GABRR2: variants seen among roughly 807,000 people sequenced by gnomAD.
The protein encoded by GABRR2 is gamma-aminobutyric acid receptor subunit rho-2.
In GABRR2, 36 loss-of-function variants were observed where a neutral mutation model predicts 47.0. That is an observed-to-expected ratio of 0.77 (90% CI 0.59 to 1.01). The LOEUF (loss-of-function observed/expected upper bound fraction) is 1.01. Among genes scored for constraint, GABRR2 ranks in the 50% least tolerant of loss-of-function variants. The pLI is 0.00. For synonymous variants in GABRR2, 204 were observed against 227.5 expected (o/e 0.90, Z 0.93); for missense variants, 587 against 594.6 (o/e 0.99, Z 0.13).
chr6:89,289,640 A>G (rs1315994618), intron 2 of GABRR2, among the ~76,000 whole-genome samples: 1 of 152,130 alleles, frequency 6.6e-6, no homozygotes, highest in Admixed American at 6.5e-5. Flanking sequence ...ACAGATCTGA[A>G]TTACAGTCTG....
chr6:89,299,847 G>T lies in GABRR2; in HGVS notation c.132C>A (p.Asn44Lys). The T allele has an allele frequency of 1.2e-6, 2 of 1,612,694 alleles. No individual in the cohort carries two copies. The highest frequency in any genetic ancestry group is 1.7e-5 in the Admixed American group (1 of 60,030). The change falls in exon 2 of 9, where the codon AAC becomes AAA. Residue 44 changes from asparagine (N) to lysine (K), a missense_variant. By Grantham distance (94) the Asn-to-Lys change is moderately conservative. Transcript: ENST00000402938. ...MPKPSHLYKK[N>K]LDVTKIRKGK... Reference sequence around the variant, plus strand: ...CCTTCCGGATCTTGGTCACATCAAGGTTCTTCTTATATAAGTGACTGTGAA... The same window carrying T: ...CCTTCCGGATCTTGGTCACATCAAGTTTCTTCTTATATAAGTGACTGTGAA...
intron 2 of GABRR2, among the ~76,000 whole-genome samples, chr6:89,284,337 A>T (rs1252427210): frequency 6.6e-6 from 1 of 152,192 alleles, no homozygotes; most frequent in African/African-American, 2.4e-5. Context: ...AGGCAGAATA[A>T]TGCCCCAGAG....
intron 8 of GABRR2, among the ~76,000 whole-genome samples, chr6:89,264,189 T>C (rs761121354): frequency 5.9e-5 from 9 of 152,226 alleles, no homozygotes; most frequent in Non-Finnish European, 1.3e-4. Flanking sequence ...AAGTTGAGTC[T>C]GAGACCCAAG....
chr6:89,275,221 C>A (rs1342339238), intron 2 of GABRR2, among the ~76,000 whole-genome samples: 1 of 152,122 alleles, frequency 6.6e-6, no homozygotes, highest in Non-Finnish European at 1.5e-5. Context: ...CTAAGTAATT[C>A]ACACTAACAT....
chr6:89,271,911 C>T lies in GABRR2; in HGVS notation c.221-189G>A, dbSNP rs553709575. On this transcript the variant is annotated intron_variant, in intron 2 of 8. Coordinates refer to ENST00000402938, the MANE Select transcript of GABRR2 (RefSeq NM_002043.5). ...TGAGCTCTCTCCACAACGTCAGGGA[C>T]TGTGCCTGCCTTATGTGCCATCCCT... 6.6e-5 allele frequency among the ~76,000 whole-genome samples: 10 copies of T among 152,342 alleles called. 1 individual carries two copies. The South Asian group carries it at 2.1e-3, about 32-fold the overall frequency.
At chr6:89,301,762 C>A in intron 1 of GABRR2, 1 of 710,672 alleles carries the variant, frequency 1.4e-6, no homozygotes, top group Non-Finnish European at 2.5e-6. Context: ...CGTCCGCAGC[C>A]GCCTGCCAGA....
chr6:89,280,253 T>TATATATATATATACAC (rs1242640059), intron 2 of GABRR2, among the ~76,000 whole-genome samples: 26 of 124,812 alleles, frequency 2.1e-4, no homozygotes, highest in Admixed American at 3.2e-4. Context: ...TATATATATA[T>TATATATATATATACAC]ACATACATAT....
intron 2 of GABRR2, among the ~76,000 whole-genome samples, chr6:89,287,552 G>A (rs1774353982): frequency 6.6e-6 from 1 of 152,212 alleles, no homozygotes; most frequent in African/African-American, 2.4e-5. Context: ...CACCTCCATC[G>A]CCGCCTCGCA....
chr6:89,293,379 C>T (rs571423140), intron 2 of GABRR2, among the ~76,000 whole-genome samples: 4 of 152,098 alleles, frequency 2.6e-5, no homozygotes, highest in Admixed American at 1.3e-4. Flanking sequence ...TGGATGGTGG[C>T]GATAGTTGTG....
intron 1 of GABRR2, among the ~76,000 whole-genome samples, chr6:89,304,588 CAAAAAAAAGAAAAA>C (rs1251677486): frequency 1.6e-5 from 2 of 126,726 alleles, no homozygotes; most frequent in South Asian, 2.4e-4. Flanking sequence ...GACTCCATCT[CAAAAAAAAGAAAAA>C]AAAAAAAAGA....
chr6:89,292,746 GTATA>G (rs1208063284), intron 2 of GABRR2, among the ~76,000 whole-genome samples: 1 of 89,262 alleles, frequency 1.1e-5, no homozygotes, highest in Non-Finnish European at 2.3e-5. Flanking sequence ...ATATATAATC[GTATA>G]TATCGTATAT....
chr6:89,277,874 G>GGT (rs1554197114), intron 2 of GABRR2, among the ~76,000 whole-genome samples: 3 of 136,876 alleles, frequency 2.2e-5, no homozygotes, highest in African/African-American at 7.9e-5. Context: ...GGGGTGGGGG[G>GGT]GGGTGGGGGC....
At chr6:89,258,143 G>A (rs530375263) in intron 8 of GABRR2, among the ~76,000 whole-genome samples, 162 bp from the exon 9 acceptor site, 37 of 152,346 alleles carry the variant, frequency 2.4e-4, no homozygotes, top group Middle Eastern at 6.8e-3. Context: ...TACCGTGGCT[G>A]CATATTAGAA....
At chr6:89,258,086 G>T in intron 8 of GABRR2, 105 bp from the exon 9 acceptor site, 1 of 1,066,976 alleles carries the variant, frequency 9.4e-7, no homozygotes, top group Non-Finnish European at 1.3e-6. Context: ...ACCACAGAAA[G>T]ATAGAACTAG....
At chr6:89,285,560 G>C (rs1056461416) in intron 2 of GABRR2, among the ~76,000 whole-genome samples, 1 of 152,090 alleles carries the variant, frequency 6.6e-6, no homozygotes, top group Non-Finnish European at 1.5e-5. Flanking sequence ...GGCACTTAGA[G>C]ATGCAAATTC....
rs1267553128 is a variant in GABRR2 at position 89,299,791 on chromosome 6, T to C, written c.188A>G (p.Glu63Gly). ...GKPQQLLRVD[E>G]HDFSMRPAFG... The stretch of plus-strand genomic sequence containing the variant: ...GGCGGGTCTCATGCTGAAGTCGTGC[T>C]CGTCCACTCTGAGAAGCTGCTGAGG... Residue 63 changes from glutamate to glycine, a missense_variant, in exon 2 of 9, where the codon GAG becomes GGG. Transcript: ENST00000402938. The C allele has an allele frequency of 5.6e-6, 9 of 1,613,846 alleles. No individual in the cohort carries two copies. Among genetic ancestry groups the C allele is most frequent in the Non-Finnish European group, 7.6e-6 (9 of 1,179,836 alleles).
chr6:89,308,396 G>A (rs762410686), intron 1 of GABRR2, among the ~76,000 whole-genome samples: 1 of 152,092 alleles, frequency 6.6e-6, no homozygotes, highest in African/African-American at 2.4e-5. Context: ...ATATGTGTTC[G>A]ATAGCCCCAT....
At chr6:89,307,198 A>T (rs1469738781) in intron 1 of GABRR2, among the ~76,000 whole-genome samples, 1 of 152,164 alleles carries the variant, frequency 6.6e-6, no homozygotes, top group Non-Finnish European at 1.5e-5. Context: ...AGTGGCTTTT[A>T]AAAACCCTGA....
chr6:89,279,364 A>AGTGTGCATGCGTGTGTGTGT (rs1774219403), intron 2 of GABRR2, among the ~76,000 whole-genome samples: 1 of 152,096 alleles, frequency 6.6e-6, no homozygotes, highest in African/African-American at 2.4e-5. Context: ...ATATAAAAAA[A>AGTGTGCATGCGTGTGTGTGT]GTGTGCATGC....
Sources: gnomAD v4.1 joint callset for allele counts (sites outside exome capture counted in the v4.1 genomes callset) on GRCh38, gnomAD v4.1.1 for gene constraint, MANE v1.5 for transcripts, NCBI Gene and HGNC (gene_info 2026-07-23, HGNC 2026-07-21) for gene names.